The following SORCS1 variants were observed in gnomAD, a reference collection of about 807,000 sequenced individuals.
The protein encoded by SORCS1 is sortilin related VPS10 domain containing receptor 1.
In SORCS1, 60 loss-of-function variants were observed where a neutral mutation model predicts 146.1. The ratio of observed to expected loss-of-function variants is 0.41; its 90% CI spans 0.33 to 0.51. SORCS1 has a LOEUF of 0.51. Ranked by LOEUF, SORCS1 falls within the 20% of genes least tolerant of loss-of-function variation. The pLI is 0.21. For missense variants in SORCS1, 1,352 were observed against 1,487.6 expected, an observed-to-expected ratio of 0.91 and a Z score of 1.50; for synonymous variants, 637 against 584.0, an observed-to-expected ratio of 1.09 and a Z score of -1.31.
At chr10:106,897,584 C>T (rs1951537449) in intron 2 of SORCS1, among the ~76,000 whole-genome samples, 1 of 152,104 alleles carries the variant, frequency 6.6e-6, no homozygotes, top group Admixed American at 6.5e-5. Flanking sequence ...CATTTCCACA[C>T]TGGAAATTCA....
intron 23 of SORCS1, among the ~76,000 whole-genome samples, chr10:106,606,274 TACACACAC>T (rs6144077): frequency 0.028 from 3,943 of 138,966 alleles, 110 homozygotes; most frequent in East Asian, 0.12. Flanking sequence ...CACACAGATA[TACACACAC>T]ACACACACAC....
chr10:107,137,660 C>T (rs1039734549), intron 1 of SORCS1, among the ~76,000 whole-genome samples: 4 of 152,168 alleles, frequency 2.6e-5, no homozygotes, highest in Middle Eastern at 3.4e-3. Flanking sequence ...GTCGAGAGTT[C>T]GAGACCAGTC....
chr10:106,685,980 C>T (rs1852800462), intron 10 of SORCS1, among the ~76,000 whole-genome samples: 1 of 152,126 alleles, frequency 6.6e-6, no homozygotes, highest in Admixed American at 6.5e-5. Flanking sequence ...AGGTATTTTT[C>T]AGGGCAATGG....
chr10:106,671,149 T>A, intron 16 of SORCS1, 88 bp downstream of exon 16: 1 of 1,564,484 alleles, frequency 6.4e-7, no homozygotes, highest in Non-Finnish European at 8.7e-7. Flanking sequence ...CCTATGTATG[T>A]TACTATTATT....
At chr10:106,997,638 A>C (rs575936987) in intron 1 of SORCS1, among the ~76,000 whole-genome samples, 1 of 152,342 alleles carries the variant, frequency 6.6e-6, no homozygotes, top group African/African-American at 2.4e-5. Flanking sequence ...GTAGCATCAG[A>C]AATGAGAGAA....
intron 3 of SORCS1, among the ~76,000 whole-genome samples, chr10:106,800,742 C>A (rs551099095): frequency 6.6e-6 from 1 of 151,788 alleles, no homozygotes; most frequent in Non-Finnish European, 1.5e-5. Context: ...GGGGTTTCAC[C>A]GTGTTAGCCA....
intron 1 of SORCS1, among the ~76,000 whole-genome samples, chr10:107,033,037 T>C (rs1421467232): frequency 6.6e-6 from 1 of 152,188 alleles, no homozygotes; most frequent in Non-Finnish European, 1.5e-5. Context: ...GACTAGATAA[T>C]TTATGAAGAA....
intron 2 of SORCS1, among the ~76,000 whole-genome samples, chr10:106,911,442 T>G (rs1239992159): frequency 6.6e-6 from 1 of 152,032 alleles, no homozygotes; most frequent in Non-Finnish European, 1.5e-5. Flanking sequence ...TTTCTTCTCC[T>G]CTTAAATTTC....
At chr10:106,699,827 G>A (rs987775115) in intron 8 of SORCS1, among the ~76,000 whole-genome samples, 5 of 152,174 alleles carry the variant, frequency 3.3e-5, no homozygotes, top group Admixed American at 6.5e-5. Context: ...CATGGCTCAT[G>A]GACCAGCAGC....
At chr10:106,578,839 C>A in intron 25 of SORCS1, 1 of 1,349,438 alleles carries the variant, frequency 7.4e-7, no homozygotes, top group East Asian at 3.0e-5. Flanking sequence ...ACATTTTAAG[C>A]CCAATATTTT....
intron 1 of SORCS1, among the ~76,000 whole-genome samples, chr10:107,063,658 A>G (rs745650760): frequency 2.6e-5 from 4 of 152,244 alleles, no homozygotes; most frequent in Non-Finnish European, 4.4e-5. Flanking sequence ...AGTCTAAGAT[A>G]AGCCTGGTTA....
intron 1 of SORCS1, among the ~76,000 whole-genome samples, chr10:107,071,069 C>T (rs1590067412): frequency 6.6e-6 from 1 of 152,244 alleles, no homozygotes; most frequent in East Asian, 1.9e-4. Context: ...CAGTCTAAGG[C>T]TGGGCACACG....
rs1218969081 is a variant in SORCS1 at position 106,579,413 on chromosome 10, C to T, written c.3327G>A (p.Val1109=). 6 of 1,613,962 alleles carry T rather than the reference C, an allele frequency of 3.7e-6. No homozygotes were observed. Among genetic ancestry groups the T allele is most frequent in the African/African-American group, 1.3e-5 (1 of 74,962 alleles). ...SGSAMLMLLS[V]VFVGLAVFVI... ...CGAACACTGCCAGCCCCACAAACAC[C>T]ACTGAGAGCAGCATCAGCATGGCAG... Residue 1109 remains valine, a synonymous_variant, in exon 25 of 26, where the codon GTG becomes GTA. Coordinates refer to ENST00000263054, the MANE Select transcript of SORCS1 (RefSeq NM_052918.5).
intron 6 of SORCS1, among the ~76,000 whole-genome samples, chr10:106,717,164 T>C (rs771479925): frequency 5.3e-5 from 8 of 152,234 alleles, no homozygotes; most frequent in South Asian, 4.1e-4. Context: ...ATCAGCAATT[T>C]AAGCAATCTG....
At chr10:106,746,808 C>A (rs60220318) in intron 5 of SORCS1, among the ~76,000 whole-genome samples, 6,396 of 152,214 alleles carry the variant, frequency 0.042, 409 homozygotes, top group African/African-American at 0.14. Context: ...GAGGCTTGTG[C>A]CTGATGTGGT....
chr10:106,737,893 C>A (rs181920427), intron 5 of SORCS1, among the ~76,000 whole-genome samples: 57 of 152,232 alleles, frequency 3.7e-4, no homozygotes, highest in African/African-American at 1.3e-3. Context: ...AATAAGGTTT[C>A]TTTTTATCTT....
intron 1 of SORCS1, among the ~76,000 whole-genome samples, chr10:106,992,440 G>A (rs986866216): frequency 2.0e-5 from 3 of 151,542 alleles, no homozygotes; most frequent in Admixed American, 1.3e-4. Context: ...AGTTCCTAAT[G>A]ATCTATATTG....
At chr10:106,696,576 C>G (rs780354321) in intron 9 of SORCS1, among the ~76,000 whole-genome samples, 6 of 152,152 alleles carry the variant, frequency 3.9e-5, no homozygotes, top group Non-Finnish European at 7.3e-5. Context: ...CATCACTGCT[C>G]AAAATGATGA....
chr10:106,882,547 A>G (rs991832529), intron 2 of SORCS1, among the ~76,000 whole-genome samples: 51 of 152,150 alleles, frequency 3.4e-4, no homozygotes, highest in African/African-American at 1.2e-3. Flanking sequence ...AACTTTATTT[A>G]TAATCAGGTG....
Sources: gnomAD v4.1 joint callset for allele counts (sites outside exome capture counted in the v4.1 genomes callset) on GRCh38, gnomAD v4.1.1 for gene constraint, MANE v1.5 for transcripts, NCBI Gene and HGNC (gene_info 2026-07-23, HGNC 2026-07-21) for gene names.